Variants in COX5A observed in about 807,000 individuals in gnomAD.
The protein encoded by COX5A is cytochrome c oxidase subunit 5A, mitochondrial.
Under a neutral mutation model 16.1 loss-of-function variants are expected in COX5A, and 6 were observed. That is an observed-to-expected ratio of 0.37 (90% CI 0.20 to 0.73). COX5A has a LOEUF of 0.73. Among genes scored for constraint, COX5A ranks in the 30% least tolerant of loss-of-function variants. COX5A has a pLI of 0.50. For missense variants in COX5A, 159 were observed against 194.9 expected, an observed-to-expected ratio of 0.82 and a Z score of 1.10; for synonymous variants, 73 against 73.8, an observed-to-expected ratio of 0.99 and a Z score of 0.06.
At chr15:74,932,365 G>A (rs1204601612) in intron 1 of COX5A, among the ~76,000 whole-genome samples, 1 of 151,884 alleles carries the variant, frequency 6.6e-6, no homozygotes, top group Non-Finnish European at 1.5e-5. Context: ...ATGTTGCCCA[G>A]GGTGGTCTTA....
At position 74,929,235 on chromosome 15, in the gene COX5A, A is replaced by G. The variant is rs754212993; in HGVS notation, c.101-3T>C. On this transcript the variant is annotated splice_region_variant and splice_polypyrimidine_tract_variant and intron_variant, in intron 1 of 4. Coordinates refer to ENST00000322347, the MANE Select transcript of COX5A (RefSeq NM_004255.4). ...ATAGCAGCGAACTGACTGGATAGCT[A>G]TAATGTGAAAGAACCATAACTTCAA... The G allele has an allele frequency of 2.5e-6, 4 of 1,585,684 alleles. No individual in the cohort carries two copies. The highest frequency in any genetic ancestry group is 2.2e-5 in the East Asian group (1 of 44,724).
In COX5A at chr15:74,930,399, A is replaced by C. The variant is rs1360285903; in HGVS notation, c.101-1167T>G. 2.1e-5 allele frequency among the ~76,000 whole-genome samples: 3 copies of C among 142,432 alleles called. No homozygotes were observed. The Admixed American group carries it at 2.2e-4, about 10-fold the overall frequency. 93.4% of individuals were successfully genotyped at this position (142,432 alleles called of 152,430 possible). A position where few individuals can be genotyped will look rare whatever the true frequency, so the allele number is the denominator to read the frequency against. On this transcript the variant is annotated intron_variant, in intron 1 of 4. Transcript: ENST00000322347. The stretch of plus-strand genomic sequence containing the variant: ...TGCCACTGCACTCCAGCCTGGCGAC[A>C]GAGCGAGACTCCGCCTCAAAAAAAA...
chr15:74,929,025 CAT>C, intron 2 of COX5A, 89 bp downstream of exon 2: 1 of 895,428 alleles, frequency 1.1e-6, no homozygotes, highest in Non-Finnish European at 1.8e-6. Context: ...TTAAACAACG[CAT>C]GTTTTCGAAA....
At chr15:74,930,282 G>C (rs2065361032) in intron 1 of COX5A, among the ~76,000 whole-genome samples, 1 of 151,790 alleles carries the variant, frequency 6.6e-6, no homozygotes, top group Non-Finnish European at 1.5e-5. Context: ...GCTGGGTGTG[G>C]TGGCGCGTGC....
chr15:74,923,665 T>C lies in COX5A; in HGVS notation c.445A>G (p.Lys149Glu). 6.2e-7 allele frequency: 1 copy of C among 1,607,754 alleles called. No individual in the cohort carries two copies. The highest frequency in any genetic ancestry group is 1.3e-5 in the African/African-American group (1 of 74,902). Residue 149 changes from lysine to glutamate, a missense_variant, in exon 4 of 5, where the codon AAA becomes GAA. By Grantham distance (56) the Lys-to-Glu change is moderately conservative (BLOSUM62 1). Transcript: ENST00000322347. ...TCGCTTACCCATGCGGTTTACACTT[T>C]GTCAAGGCCCAGTTCCTCCGGAGTG... Reference protein sequence around the residue: ...ISTPEELGLDKV With the variant: ...ISTPEELGLDEV
chr15:74,932,483 C>A (rs1275060627), intron 1 of COX5A, among the ~76,000 whole-genome samples: 1 of 151,710 alleles, frequency 6.6e-6, no homozygotes, highest in East Asian at 1.9e-4. Flanking sequence ...AAAAACTTCA[C>A]CCAGAAACCT....
chr15:74,930,199 C>G (rs796406044), intron 1 of COX5A, among the ~76,000 whole-genome samples: 2 of 152,110 alleles, frequency 1.3e-5, no homozygotes, highest in African/African-American at 4.8e-5. Context: ...GCGGGTGGAT[C>G]AAGAGGTCAA....
chr15:74,934,741 A>T (rs1004936145), intron 1 of COX5A, among the ~76,000 whole-genome samples: 1 of 152,128 alleles, frequency 6.6e-6, no homozygotes, highest in Admixed American at 6.6e-5. Context: ...CTCTACTAGC[A>T]TTCTCTGCCC....
At chr15:74,929,368 A>G (rs562162336) in intron 1 of COX5A, 136 bp from the exon 2 acceptor site, 1 of 613,838 alleles carries the variant, frequency 1.6e-6, no homozygotes, top group African/African-American at 1.9e-5. Context: ...AATACATCGT[A>G]TACATTGATA....
chr15:74,920,592 C>T (rs1250992502), intron 4 of COX5A, 150 bp from the exon 5 acceptor site: 1 of 577,480 alleles, frequency 1.7e-6, no homozygotes, highest in Non-Finnish European at 3.0e-6. Context: ...TGTCAACCCA[C>T]AAGCGACTAG....
chr15:74,923,427 CGAAAGAAAGAAAAGAAG>C (rs1297723695), intron 4 of COX5A, among the ~76,000 whole-genome samples: 6 of 150,942 alleles, frequency 4.0e-5, no homozygotes, highest in Admixed American at 6.6e-5. Context: ...AAAAAAAAGA[CGAAAGAAAGAAAAGAAG>C]GAAAGAAAGA....
intron 3 of COX5A, among the ~76,000 whole-genome samples, chr15:74,926,203 C>CT (rs200869354): frequency 0.095 from 14,468 of 151,790 alleles, 1,155 homozygotes; most frequent in South Asian, 0.36. Flanking sequence ...CCACACCCGG[C>CT]TAATTTTTTT....
At chr15:74,937,887 C>A in intron 1 of COX5A, 28 bp downstream of exon 1, 1 of 1,208,192 alleles carries the variant, frequency 8.3e-7, no homozygotes. Flanking sequence ...GACACGAGGG[C>A]GCGGGCAGTG....
At chr15:74,936,082 C>A (rs1008613649) in intron 1 of COX5A, among the ~76,000 whole-genome samples, 1 of 151,428 alleles carries the variant, frequency 6.6e-6, no homozygotes, top group African/African-American at 2.4e-5. Context: ...CCTGACCTCA[C>A]GAGCTCGAAA....
At position 74,920,454 on chromosome 15, in the gene COX5A, AAC is replaced by A; in HGVS notation, c.*10-14_*10-13del. Reference sequence around the variant, plus strand: ...TTGGGGAAGCCCATCTGTAAGAGAAAACACAAAGAATTAGCCAGGAAAGAATA... The same window carrying A: ...TTGGGGAAGCCCATCTGTAAGAGAAAACAAAGAATTAGCCAGGAAAGAATA... On this transcript the variant is annotated splice_polypyrimidine_tract_variant and intron_variant, in intron 4 of 4. Coordinates refer to ENST00000322347, the MANE Select transcript of COX5A (RefSeq NM_004255.4). 1.4e-6 allele frequency: 1 copy of A among 689,902 alleles called. No individual in the cohort carries two copies. 42.7% of individuals were successfully genotyped at this position (689,902 alleles called of 1,614,324 possible). A position where few individuals can be genotyped will look rare whatever the true frequency, so the allele number is the denominator to read the frequency against.
chr15:74,930,206 T>G (rs1433169921), intron 1 of COX5A, among the ~76,000 whole-genome samples: 1 of 151,494 alleles, frequency 6.6e-6, no homozygotes, highest in Non-Finnish European at 1.5e-5. Context: ...GATCAAGAGG[T>G]CAAGAGATCA....
chr15:74,931,710 A>G (rs1440384925), intron 1 of COX5A, among the ~76,000 whole-genome samples: 2 of 151,856 alleles, frequency 1.3e-5, no homozygotes, highest in African/African-American at 4.8e-5. Flanking sequence ...AGCGCCACTA[A>G]GCTTGGCTAA....
intron 1 of COX5A, among the ~76,000 whole-genome samples, chr15:74,936,668 C>G (rs2065391629): frequency 7.4e-6 from 1 of 134,308 alleles, no homozygotes; most frequent in Admixed American, 8.3e-5. Context: ...GCTCTGTCGG[C>G]CAGGCTGGAG....
intron 2 of COX5A, among the ~76,000 whole-genome samples, chr15:74,928,798 T>A (rs1185893138): frequency 6.6e-6 from 1 of 152,214 alleles, no homozygotes; most frequent in Non-Finnish European, 1.5e-5. Context: ...CACTGGGTAA[T>A]GCCTAGAAAC....
Sources: allele counts gnomAD v4.1 joint callset (sites outside exome capture counted in the v4.1 genomes callset), GRCh38; gene constraint gnomAD v4.1.1; transcripts MANE v1.5; gene names NCBI Gene and HGNC (gene_info 2026-07-23, HGNC 2026-07-21).